IGSF1: variants seen among roughly 807,000 people sequenced by gnomAD.
IGSF1 encodes immunoglobulin superfamily member 1, also known as immunoglobulin-like domain-containing protein 1.
In IGSF1, 40 loss-of-function variants were observed where a neutral mutation model predicts 95.3. The observed-to-expected ratio is 0.42, with a 90% CI of 0.33 to 0.55. IGSF1 has a LOEUF of 0.55. Among genes scored for constraint, IGSF1 ranks in the 20% least tolerant of loss-of-function variants. The probability of loss-of-function intolerance (pLI) is 0.10; values close to 1 mark genes in which losing one functional copy is unlikely to be tolerated. For missense variants in IGSF1, 906 were observed against 1,025.4 expected, an observed-to-expected ratio of 0.88 and a Z score of 1.59; for synonymous variants, 372 against 382.9, an observed-to-expected ratio of 0.97 and a Z score of 0.33.
chrX:131,287,449 C>T (rs2080660060), intron 1 of IGSF1, among the ~76,000 whole-genome samples: 2 of 110,644 alleles, frequency 1.8e-5, no homozygotes, highest in Non-Finnish European at 3.8e-5. Context: ...CTTGGATATC[C>T]TTCCCTTCCA....
chrX:131,284,079 G>A (rs1361006637), intron 5 of IGSF1: 13 of 673,745 alleles, frequency 1.9e-5, no homozygotes, highest in South Asian at 7.7e-5. Context: ...ATGCTGAAAG[G>A]GCATGAGTAC....
chrX:131,274,612 C>A lies in IGSF1; in HGVS notation c.3738G>T (p.Leu1246=), dbSNP rs774303182. Residue 1246 remains leucine (L), a synonymous_variant, in exon 18 of 20, where the codon CTG becomes CTT. Coordinates refer to ENST00000361420, the MANE Select transcript of IGSF1 (RefSeq NM_001555.5). ...TTATTCTCTTACCTGCTGCCCCCAC[C>A]AGCTCCAGGGGATCACTAGGCTCTG... ...IWSEPSDPLE[L]VGAAGPVAQE... is the part of the protein sequence containing the mutation. 1.5e-5 allele frequency: 18 copies of A among 1,209,570 alleles called. No individual in the cohort carries two copies. Among genetic ancestry groups the A allele is most frequent in the Non-Finnish European group, 2.0e-5 (18 of 894,839 alleles).
chrX:131,288,056 T>G (rs776465262), intron 1 of IGSF1, among the ~76,000 whole-genome samples: 30 of 111,960 alleles, frequency 2.7e-4, no homozygotes, highest in Non-Finnish European at 5.1e-4. Flanking sequence ...GGATATTTCG[T>G]GTTCAAAATA....
intron 11 of IGSF1, 68 bp from the exon 12 acceptor site, chrX:131,278,819 A>G: frequency 9.9e-7 from 1 of 1,008,856 alleles, no homozygotes; most frequent in Non-Finnish European, 1.4e-6. Flanking sequence ...TTGCCCTTGA[A>G]CCCTCTACCC....
chrX:131,288,694 C>G (rs2080676639), intron 1 of IGSF1, among the ~76,000 whole-genome samples: 1 of 110,987 alleles, frequency 9.0e-6, no homozygotes, highest in East Asian at 2.8e-4. Context: ...ACCGGGGGAA[C>G]ATGAGAACAG....
At chrX:131,287,175 G>GTA (rs777119426) in intron 1 of IGSF1, among the ~76,000 whole-genome samples, 18 of 71,494 alleles carry the variant, frequency 2.5e-4, no homozygotes, top group Admixed American at 2.2e-3. Flanking sequence ...GTGTGTGTGT[G>GTA]TGTATATATA....
At position 131,285,195 on chromosome X, in the gene IGSF1, C is replaced by T. The variant is rs150610882; in HGVS notation, c.651G>A (p.Leu217=). 37 of 1,192,275 alleles carry T rather than the reference C, an allele frequency of 3.1e-5. No individual in the cohort carries two copies. In the African/African-American group the frequency reaches 6.1e-4, roughly 20 times the overall value. Residue 217 remains leucine (L), a synonymous_variant, in exon 5 of 20, where the codon CTG becomes CTA. Transcript: ENST00000361420. ...CACACCCACCTGCTACAACCAGCTT[C>T]AGGGGGTTGCTGGGCTCTGACCACA... ...PTLWSEPSNP[L]KLVVAGLYPK...
rs1387919840 is a variant in IGSF1, at chrX:131,282,745, G to A, written c.953-8C>T. On this transcript the variant is annotated splice_region_variant and splice_polypyrimidine_tract_variant and intron_variant, in intron 6 of 19. Transcript: ENST00000361420. ...AGGTCTTGGGGAAAGTGTCTAGGAT[G>A]AGACCCAGAATAAAAAGCACTAGTG... The A allele has an allele frequency of 8.4e-7, 1 of 1,187,357 alleles. No individual in the cohort carries two copies. Among genetic ancestry groups the A allele is most frequent in the Non-Finnish European group, 1.1e-6 (1 of 880,355 alleles).
At chrX:131,274,008 G>A (rs1603403725) in intron 19 of IGSF1, 75 bp downstream of exon 19, 1 of 1,201,632 alleles carries the variant, frequency 8.3e-7, no homozygotes, top group Admixed American at 2.2e-5. Context: ...TCAGATACTA[G>A]GGGAGCATTT....
At chrX:131,280,524 G>C (rs766394658) in intron 9 of IGSF1, among the ~76,000 whole-genome samples, 1 of 111,948 alleles carries the variant, frequency 8.9e-6, no homozygotes, top group East Asian at 2.8e-4. Context: ...GTTCCCAGTA[G>C]AGTAGCCTGA....
At position 131,277,232 on chromosome X, in the gene IGSF1, AG is replaced by A; in HGVS notation, c.2321-7del. Reference sequence around the variant, plus strand: ...GAAGGGCTTAGGGTACATTTCTAGAAGGCAAAAAACAAAAACAAAAACAAAA... The same window carrying A: ...GAAGGGCTTAGGGTACATTTCTAGAAGCAAAAAACAAAAACAAAAACAAAA... On this transcript the variant is annotated splice_polypyrimidine_tract_variant and splice_region_variant and intron_variant, in intron 13 of 19. Coordinates refer to ENST00000361420, the MANE Select transcript of IGSF1 (RefSeq NM_001555.5). 8.6e-7 allele frequency: 1 copy of A among 1,163,079 alleles called. No individual in the cohort carries two copies. Among genetic ancestry groups the A allele is most frequent in the Admixed American group, 2.8e-5 (1 of 36,030 alleles).
rs375978581 is a variant in IGSF1 at position 131,278,585 on chromosome X, C to T, written c.1917G>A (p.Glu639=). The change falls in exon 12 of 20, where the codon GAG becomes GAA. Residue 639 remains glutamate (E), a synonymous_variant. Transcript: ENST00000361420. ...CAAGGGGGAAGGCAGCCCGGACCTG[C>T]TCTGAGGCCGGGCGAGTGGCGATCC... ...TGWIATRPAS[E]QVRAAFPLGA... The T allele has an allele frequency of 1.8e-5, 22 of 1,209,824 alleles. No homozygotes were observed. Among genetic ancestry groups the T allele is most frequent in the Non-Finnish European group, 2.5e-5 (22 of 894,829 alleles).
intron 17 of IGSF1, 39 bp from the exon 18 acceptor site, chrX:131,274,916 C>G: frequency 8.3e-7 from 1 of 1,201,930 alleles, no homozygotes; most frequent in Non-Finnish European, 1.1e-6. Context: ...AGAAATGATC[C>G]TGAACTTAGC....
Position 131,279,142 on chromosome X carries a change from C to A in IGSF1, c.1750+1G>T. 1 of 1,207,039 alleles carries A rather than the reference C, an allele frequency of 8.3e-7. No homozygotes were observed. The highest frequency in any genetic ancestry group is 1.1e-6 in the Non-Finnish European group (1 of 891,026). Reference sequence around the variant, plus strand: ...CCCAGTCTGGAGCAGGAAAAACTCACCAGTCTCTTCTATCAATACCCCATT... The same window carrying A: ...CCCAGTCTGGAGCAGGAAAAACTCAACAGTCTCTTCTATCAATACCCCATT... On this transcript the variant is annotated splice_donor_variant, in intron 11 of 19. Transcript: ENST00000361420. LOFTEE classifies it high-confidence loss of function.
In IGSF1 at chrX:131,282,644, C is replaced by T; in HGVS notation, c.1046G>A (p.Gly349Glu). Residue 349 changes from glycine (G) to glutamate (E), a missense_variant, in exon 7 of 20, where the codon GGA becomes GAA. Coordinates refer to ENST00000361420, the MANE Select transcript of IGSF1 (RefSeq NM_001555.5). ...VSLRCRGPVD[G>E]VGLALYKKGE... is the part of the protein sequence containing the mutation. The stretch of plus-strand genomic sequence containing the variant: ...TTTCTTATAGAGTGCAAGACCCACT[C>T]CATCCACTGGTCCTCGACACCGTAG... 8.3e-7 allele frequency: 1 copy of T among 1,209,915 alleles called. No individual in the cohort carries two copies. Among genetic ancestry groups the T allele is most frequent in the African/African-American group, 1.7e-5 (1 of 57,742 alleles).
Position 131,280,402 on chromosome X carries a change from G to A in IGSF1, c.1646+816C>T, listed in dbSNP as rs762865180. The stretch of plus-strand genomic sequence containing the variant: ...TGCATTGAATACTTCCAGACACACT[G>A]ACCACAGTTGCAGGGCGGGGGGTAC... On this transcript the variant is annotated intron_variant, in intron 9 of 19. Coordinates refer to ENST00000361420, the MANE Select transcript of IGSF1 (RefSeq NM_001555.5). 2.7e-5 allele frequency among the ~76,000 whole-genome samples: 3 copies of A among 111,529 alleles called. No homozygotes were observed. In the East Asian group the frequency reaches 8.4e-4, roughly 31 times the overall value.
chrX:131,285,719 T>C (rs753677284), intron 4 of IGSF1, 48 bp downstream of exon 4: 6 of 1,135,531 alleles, frequency 5.3e-6, no homozygotes, highest in Admixed American at 5.0e-5. Context: ...AAGGCAAGTT[T>C]GAATCTCAGG....
chrX:131,283,496 G>T (rs985774004), intron 5 of IGSF1, among the ~76,000 whole-genome samples: 1 of 111,469 alleles, frequency 9.0e-6, no homozygotes, highest in Non-Finnish European at 1.9e-5. Flanking sequence ...ATGTGTAGGG[G>T]TGTATCTCAG....
chrX:131,285,859 A>C lies in IGSF1; in HGVS notation c.287T>G (p.Leu96Arg). The change falls in exon 4 of 20, where the codon CTT (leucine) becomes CGT (arginine). Residue 96 changes from leucine (L) to arginine (R), a missense_variant. Physicochemically the swap from Leu to Arg is moderately radical, Grantham distance 102 (BLOSUM62 -2). Around this residue, in one of 5 missense-constraint regions of IGSF1, gnomAD observed 442 missense variants for 448.1 expected, o/e 0.99. Transcript: ENST00000361420. ...TFQVSFLIGA[L>R]TESNAGLYRC... is the part of the protein sequence containing the mutation. ...GTAAAGACCTGCATTGGACTCAGTA[A>C]GGGCACCTATAAGGAATGAAACTTG... is the stretch of plus-strand genomic sequence containing the variant. 1.7e-6 allele frequency: 2 copies of C among 1,211,038 alleles called. No homozygotes were observed. The highest frequency in any genetic ancestry group is 2.2e-6 in the Non-Finnish European group (2 of 894,869).
Sources: allele counts gnomAD v4.1 joint callset (sites outside exome capture counted in the v4.1 genomes callset), GRCh38; gene constraint gnomAD v4.1.1; regional missense constraint gnomAD v4.1.1; transcripts MANE v1.5; gene names NCBI Gene and HGNC (gene_info 2026-07-23, HGNC 2026-07-21).